Variants in NRG3 observed in about 807,000 individuals in gnomAD.
The protein encoded by NRG3 is neuregulin 3.
NRG3 carries 31 observed loss-of-function variants against 66.9 expected under a neutral mutation model. The observed-to-expected ratio is 0.46, with a 90% CI of 0.35 to 0.63. The LOEUF (loss-of-function observed/expected upper bound fraction) is 0.63, where lower values mean the gene tolerates loss of function less well. NRG3 is among the 20% of genes least tolerant of loss of function. The pLI is 0.00. For synonymous variants in NRG3, 393 were observed against 359.4 expected (o/e 1.09, Z -1.06); for missense variants, 910 against 878.9 (o/e 1.04, Z -0.45).
chr10:82,691,229 C>T (rs80293376), intron 2 of NRG3, among the ~76,000 whole-genome samples: 2,996 of 152,228 alleles, frequency 0.02, 95 homozygotes, highest in African/African-American at 0.067. Context: ...TCTCTCATGC[C>T]GAGAAAAAAC....
At chr10:82,865,290 A>AT in intron 3 of NRG3, 121 bp from the exon 4 acceptor site, 1 of 912,582 alleles carries the variant, frequency 1.1e-6, no homozygotes, top group South Asian at 1.6e-5. Context: ...AGGGGTTAAA[A>AT]TTGAGGCTGT....
intron 2 of NRG3, among the ~76,000 whole-genome samples, chr10:82,383,450 C>T (rs567778822): frequency 6.7e-4 from 102 of 151,552 alleles, no homozygotes; most frequent in African/African-American, 2.1e-3. Flanking sequence ...TTTTCTTTAG[C>T]ATTGACTCAT....
intron 1 of NRG3, among the ~76,000 whole-genome samples, chr10:81,895,070 A>G (rs186054251): frequency 2.0e-5 from 3 of 152,268 alleles, no homozygotes; most frequent in Admixed American, 2.0e-4. Flanking sequence ...TTGGGCTCAC[A>G]GTCTTCTCCA....
intron 1 of NRG3, among the ~76,000 whole-genome samples, chr10:81,976,855 G>A (rs914136076): frequency 2.0e-5 from 3 of 152,102 alleles, no homozygotes; most frequent in Non-Finnish European, 4.4e-5. Context: ...TAATGAAGAT[G>A]TTACACAAAA....
intron 1 of NRG3, among the ~76,000 whole-genome samples, chr10:82,089,618 C>CT (rs1219967642): frequency 6.6e-6 from 1 of 152,142 alleles, no homozygotes; most frequent in Non-Finnish European, 1.5e-5. Context: ...CCAGTGACCT[C>CT]TTTTAGTTCT....
intron 2 of NRG3, among the ~76,000 whole-genome samples, chr10:82,627,072 G>T (rs192922454): frequency 1.3e-5 from 2 of 151,754 alleles, no homozygotes; most frequent in Admixed American, 1.3e-4. Flanking sequence ...TTTTAATAAG[G>T]CTGCTCCTGA....
intron 1 of NRG3, among the ~76,000 whole-genome samples, chr10:81,978,125 T>G (rs1390364535): frequency 2.0e-5 from 3 of 152,126 alleles, no homozygotes; most frequent in Non-Finnish European, 4.4e-5. Context: ...AACTTTTTCC[T>G]CTTATGTAGC....
chr10:82,403,384 T>C lies in NRG3; in HGVS notation c.953+44516T>C, dbSNP rs1422298488. 2.0e-5 allele frequency among the ~76,000 whole-genome samples: 3 copies of C among 152,292 alleles called. No individual in the cohort carries two copies. The East Asian group carries it at 5.8e-4, about 29-fold the overall frequency. On this transcript the variant is annotated intron_variant, in intron 2 of 8. Transcript: ENST00000372141. ...GCCCTTTAGCCAACATTTTGTGTCA[T>C]TTAATTATTTGCAAGATTCATTAAT...
At chr10:82,078,670 A>G (rs982649294) in intron 1 of NRG3, among the ~76,000 whole-genome samples, 4 of 152,228 alleles carry the variant, frequency 2.6e-5, no homozygotes, top group African/African-American at 7.2e-5. Flanking sequence ...GAAAGAAGTG[A>G]TGGTCTATTC....
At position 82,115,263 on chromosome 10, in the gene NRG3, C is replaced by T. The variant is rs576481880; in HGVS notation, c.823+239100C>T. ...TTACTGAGAGCTTCCCCACCTCTCC[C>T]TAGATACTGCATAAATGCAAGGAAA... On this transcript the variant is annotated intron_variant, in intron 1 of 8. Transcript: ENST00000372141. Among the ~76,000 whole-genome samples, 5 of 152,198 alleles carry T rather than the reference C, an allele frequency of 3.3e-5. No individual in the cohort carries two copies. The South Asian group carries it at 1.0e-3, about 32-fold the overall frequency.
chr10:81,938,147 G>A (rs1226555344), intron 1 of NRG3, among the ~76,000 whole-genome samples: 1 of 151,950 alleles, frequency 6.6e-6, no homozygotes, highest in Admixed American at 6.6e-5. Flanking sequence ...CTGGTAATAT[G>A]TTTTGAAATC....
At chr10:82,179,317 T>G (rs943265488) in intron 1 of NRG3, among the ~76,000 whole-genome samples, 4 of 152,026 alleles carry the variant, frequency 2.6e-5, no homozygotes, top group African/African-American at 9.7e-5. Flanking sequence ...AAAAAATGCA[T>G]TTCCAAGAAT....
chr10:82,144,342 G>A (rs1482702900), intron 1 of NRG3, among the ~76,000 whole-genome samples: 1 of 152,090 alleles, frequency 6.6e-6, no homozygotes, highest in Non-Finnish European at 1.5e-5. Context: ...AATAGGAATT[G>A]GTCCCTTGGG....
chr10:82,524,501 A>G (rs1272205058), intron 2 of NRG3, among the ~76,000 whole-genome samples: 1 of 151,942 alleles, frequency 6.6e-6, no homozygotes. Context: ...ACTGCAAAAT[A>G]TTAAGTATCT....
At chr10:82,927,214 C>G (rs1847088634) in intron 4 of NRG3, among the ~76,000 whole-genome samples, 1 of 152,140 alleles carries the variant, frequency 6.6e-6, no homozygotes, top group Non-Finnish European at 1.5e-5. Context: ...CATAGCCTGA[C>G]AGTCTCTTTA....
At chr10:81,909,154 G>A (rs1259241104) in intron 1 of NRG3, among the ~76,000 whole-genome samples, 1 of 152,144 alleles carries the variant, frequency 6.6e-6, no homozygotes, top group Non-Finnish European at 1.5e-5. Flanking sequence ...TCCTTGGCTT[G>A]TAGATTTATC....
intron 4 of NRG3, 49 bp from the exon 5 acceptor site, chr10:82,951,420 T>A: frequency 7.1e-7 from 1 of 1,412,952 alleles, no homozygotes; most frequent in Non-Finnish European, 1.0e-6. Context: ...AGATAGTTGC[T>A]GATGCACCCC....
At chr10:82,156,361 T>C (rs1034554572) in intron 1 of NRG3, among the ~76,000 whole-genome samples, 9 of 151,560 alleles carry the variant, frequency 5.9e-5, no homozygotes, top group Non-Finnish European at 1.2e-4. Flanking sequence ...GGTATGTCCA[T>C]GTAACATGAT....
intron 1 of NRG3, among the ~76,000 whole-genome samples, chr10:81,881,320 T>C (rs1325590780): frequency 6.6e-6 from 1 of 152,090 alleles, no homozygotes; most frequent in Non-Finnish European, 1.5e-5. Flanking sequence ...TTTGGGTAAG[T>C]TAGAGTGCTT....
Sources: allele counts gnomAD v4.1 joint callset (sites outside exome capture counted in the v4.1 genomes callset), GRCh38; gene constraint gnomAD v4.1.1; transcripts MANE v1.5; gene names NCBI Gene and HGNC (gene_info 2026-07-23, HGNC 2026-07-21).